TBCK: variants seen among roughly 807,000 people sequenced by gnomAD.
TBCK encodes the protein TBC1 domain containing kinase, also known as TBC domain-containing protein kinase-like protein.
In TBCK, 99 loss-of-function variants were observed where a neutral mutation model predicts 113.4. That is an observed-to-expected ratio of 0.87 (90% CI 0.74 to 1.03). The LOEUF (loss-of-function observed/expected upper bound fraction) is 1.03. TBCK is among the 50% of genes least tolerant of loss of function. TBCK has a pLI of 0.00. For missense variants in TBCK, 1,045 were observed against 1,061.3 expected, an observed-to-expected ratio of 0.98 and a Z score of 0.21; for synonymous variants, 369 against 370.8, an observed-to-expected ratio of 1.00 and a Z score of 0.05.
chr4:106,091,550 C>T (rs928290918), intron 25 of TBCK, among the ~76,000 whole-genome samples: 9 of 152,092 alleles, frequency 5.9e-5, no homozygotes, highest in South Asian at 2.1e-4. Context: ...TTCGTGGTCT[C>T]GCTGGCTCAT....
At chr4:106,105,288 C>A (rs768173483) in intron 24 of TBCK, among the ~76,000 whole-genome samples, 2 of 152,204 alleles carry the variant, frequency 1.3e-5, no homozygotes, top group African/African-American at 4.8e-5. Context: ...GGGCTGACTT[C>A]GCTGAGTGAT....
At chr4:106,261,953 T>C (rs1762547738) in intron 4 of TBCK, 145 bp downstream of exon 4, 1 of 378,480 alleles carries the variant, frequency 2.6e-6, no homozygotes, top group Non-Finnish European at 4.7e-6. Context: ...AAACCACAGT[T>C]ACATCACTTT....
At chr4:106,048,094 G>A (rs1371393775) in intron 25 of TBCK, among the ~76,000 whole-genome samples, 1 of 152,230 alleles carries the variant, frequency 6.6e-6, no homozygotes, top group Middle Eastern at 3.4e-3. Context: ...CAGAGATTCT[G>A]CTTTATTGAT....
At chr4:106,148,917 G>C (rs1748149494) in intron 23 of TBCK, among the ~76,000 whole-genome samples, 1 of 152,196 alleles carries the variant, frequency 6.6e-6, no homozygotes. Flanking sequence ...TCCAACTGAA[G>C]GCTGCTTCGT....
At chr4:106,122,947 T>C (rs1264044807) in intron 23 of TBCK, among the ~76,000 whole-genome samples, 1 of 152,190 alleles carries the variant, frequency 6.6e-6, no homozygotes, top group Non-Finnish European at 1.5e-5. Context: ...CTGGAAGCAT[T>C]TCCTTTGAAA....
At chr4:106,259,129 T>C (rs1432681248) in intron 5 of TBCK, among the ~76,000 whole-genome samples, 2 of 151,880 alleles carry the variant, frequency 1.3e-5, no homozygotes, top group African/African-American at 4.8e-5. Context: ...AAATGTTTCC[T>C]CACTGAATAA....
chr4:106,102,411 T>C (rs1309741156), intron 24 of TBCK, among the ~76,000 whole-genome samples: 1 of 152,178 alleles, frequency 6.6e-6, no homozygotes, highest in Non-Finnish European at 1.5e-5. Flanking sequence ...TAACACAAGC[T>C]AAATGACTGA....
intron 24 of TBCK, among the ~76,000 whole-genome samples, chr4:106,114,718 G>A (rs1359580633): frequency 6.6e-6 from 1 of 152,144 alleles, no homozygotes; most frequent in African/African-American, 2.4e-5. Flanking sequence ...AAAATAGGGT[G>A]TTATAATGTT....
At position 106,250,410 on chromosome 4, in the gene TBCK, A is replaced by G; in HGVS notation, c.658+8T>C. The stretch of plus-strand genomic sequence containing the variant: ...TATTTGAAAGATAAGCAATTGTACG[A>G]CACTTACCCAAAGTAAGCAAAAATT... On this transcript the variant is annotated splice_region_variant and intron_variant, in intron 7 of 25. Coordinates refer to ENST00000394708, the MANE Select transcript of TBCK (RefSeq NM_001163435.3). The G allele has an allele frequency of 6.5e-7, 1 of 1,541,818 alleles. No individual in the cohort carries two copies.
At chr4:106,296,248 T>TA (rs950883121) in intron 2 of TBCK, among the ~76,000 whole-genome samples, 1 of 152,160 alleles carries the variant, frequency 6.6e-6, no homozygotes, top group Non-Finnish European at 1.5e-5. Flanking sequence ...TTGACAAGGT[T>TA]ATTTGAGGAG....
chr4:106,192,354 CT>C (rs1440208308), intron 22 of TBCK, among the ~76,000 whole-genome samples: 1 of 152,030 alleles, frequency 6.6e-6, no homozygotes, highest in Non-Finnish European at 1.5e-5. Context: ...CTTATGTTTA[CT>C]TTGGCAAGCT....
intron 25 of TBCK, among the ~76,000 whole-genome samples, chr4:106,063,456 A>G (rs954466219): frequency 2.6e-5 from 4 of 152,020 alleles, no homozygotes; most frequent in African/African-American, 9.7e-5. Flanking sequence ...AGAGAAGTTT[A>G]ATACAGGGAC....
chr4:106,256,629 T>G (rs1018484917), intron 5 of TBCK, among the ~76,000 whole-genome samples: 2 of 151,914 alleles, frequency 1.3e-5, no homozygotes, highest in African/African-American at 4.8e-5. Context: ...CAGGGAGGCC[T>G]GGGTCTGCAG....
intron 25 of TBCK, among the ~76,000 whole-genome samples, chr4:106,090,507 T>C (rs1328513330): frequency 6.6e-6 from 1 of 152,204 alleles, no homozygotes; most frequent in Non-Finnish European, 1.5e-5. Flanking sequence ...CTCTAGCAAA[T>C]GGTTGCTCTG....
intron 24 of TBCK, among the ~76,000 whole-genome samples, chr4:106,112,175 A>G (rs1362062218): frequency 2.0e-5 from 3 of 152,226 alleles, no homozygotes; most frequent in Non-Finnish European, 4.4e-5. Flanking sequence ...CAGTAAAGTC[A>G]TTTATTCAGG....
chr4:106,251,773 C>CA (rs369945784), intron 6 of TBCK, 93 bp downstream of exon 6: 2 of 1,150,810 alleles, frequency 1.7e-6, no homozygotes, highest in African/African-American at 3.1e-5. Flanking sequence ...ATTTGTACAG[C>CA]AAAAACATAC....
chr4:106,209,447 AAATTT>A (rs1755885445), intron 20 of TBCK, among the ~76,000 whole-genome samples: 2 of 152,160 alleles, frequency 1.3e-5, no homozygotes, highest in African/African-American at 4.8e-5. Context: ...CTCTCTTTTT[AAATTT>A]ATGTTTTATA....
In TBCK at chr4:106,244,608, A is replaced by C; in HGVS notation, c.1070+18T>G. ...GTATTTATTTATTTAAATTCCCAAG[A>C]GAAGTTTCTTTCCTTACTTGGGGAG... is the stretch of plus-strand genomic sequence containing the variant. On this transcript the variant is annotated intron_variant, in intron 11 of 25. Coordinates refer to ENST00000394708, the MANE Select transcript of TBCK (RefSeq NM_001163435.3). The C allele has an allele frequency of 6.5e-7, 1 of 1,531,732 alleles. No individual in the cohort carries two copies. Among genetic ancestry groups the C allele is most frequent in the Non-Finnish European group, 8.7e-7 (1 of 1,143,086 alleles). The allele number at this position is 1,531,732 out of a possible 1,614,324, so 94.9% of individuals were successfully genotyped here.
rs1268652904 is a variant in TBCK, at chr4:106,230,438, A to C, written c.1699T>G (p.Tyr567Asp). 7 of 1,599,390 alleles carry C rather than the reference A, an allele frequency of 4.4e-6. No individual in the cohort carries two copies. The highest frequency in any genetic ancestry group is 1.3e-5 in the African/African-American group (1 of 74,630). Residue 567 changes from tyrosine (Y) to aspartate (D), a missense_variant, in exon 19 of 26, where the codon TAT becomes GAT. By Grantham distance (160) the Tyr-to-Asp change is radical (BLOSUM62 -3). Coordinates refer to ENST00000394708, the MANE Select transcript of TBCK (RefSeq NM_001163435.3). ...YLNFNNEALA[Y>D]ACMSAFIPKY... Reference sequence around the variant, plus strand: ...GGAATAAAAGCAGACATACATGCATAAGCCAAGGCTAAAAGAGAATAAGGC... The same window carrying C: ...GGAATAAAAGCAGACATACATGCATCAGCCAAGGCTAAAAGAGAATAAGGC...
Sources: gnomAD v4.1 joint callset for allele counts (sites outside exome capture counted in the v4.1 genomes callset) on GRCh38, gnomAD v4.1.1 for gene constraint, MANE v1.5 for transcripts, NCBI Gene and HGNC (gene_info 2026-07-23, HGNC 2026-07-21) for gene names.